Variants in ZNRF3 observed in about 807,000 individuals in gnomAD.
ZNRF3 encodes zinc and ring finger 3.
A neutral mutation model predicts 72.5 loss-of-function variants in ZNRF3; 23 were observed. That is an observed-to-expected ratio of 0.32 (90% confidence interval 0.23 to 0.45). The LOEUF (loss-of-function observed/expected upper bound fraction) is 0.45. Ranked by LOEUF, ZNRF3 falls within the 20% of genes least tolerant of loss-of-function variation. The probability of loss-of-function intolerance (pLI) is 1.00; values close to 1 mark genes in which losing one functional copy is unlikely to be tolerated. For synonymous variants in ZNRF3, 610 were observed against 545.3 expected (o/e 1.12, Z -1.65); for missense variants, 1,169 against 1,272.1 (o/e 0.92, Z 1.23).
intron 8 of ZNRF3, among the ~76,000 whole-genome samples, chr22:29,051,164 A>G (rs953652510): frequency 6.6e-6 from 1 of 152,068 alleles, no homozygotes; most frequent in African/African-American, 2.4e-5. Flanking sequence ...ATCTCTCCCC[A>G]AGATGCCTGC....
intron 1 of ZNRF3, among the ~76,000 whole-genome samples, chr22:28,980,092 G>GACA (rs2035739813): frequency 6.6e-6 from 1 of 152,116 alleles, no homozygotes; most frequent in South Asian, 2.1e-4. Context: ...AATCCTTAAC[G>GACA]ATGTCTGTAT....
At chr22:28,967,940 A>G (rs982679546) in intron 1 of ZNRF3, among the ~76,000 whole-genome samples, 33 of 151,994 alleles carry the variant, frequency 2.2e-4, no homozygotes, top group African/African-American at 2.9e-4. Context: ...AAAAAAAAAA[A>G]AAAGAAAAAA....
intron 2 of ZNRF3, among the ~76,000 whole-genome samples, chr22:29,015,656 T>G (rs2036417814): frequency 3.2e-5 from 4 of 126,966 alleles, no homozygotes; most frequent in Non-Finnish European, 3.3e-5. Flanking sequence ...GGTGACAGAG[T>G]GAGATTCTGT....
At chr22:28,976,404 C>G (rs1189682758) in intron 1 of ZNRF3, among the ~76,000 whole-genome samples, 1 of 152,078 alleles carries the variant, frequency 6.6e-6, no homozygotes, top group African/African-American at 2.4e-5. Context: ...TGCCTGTAAT[C>G]CCAACTACCT....
At chr22:28,894,955 TC>T (rs2033962728) in intron 1 of ZNRF3, among the ~76,000 whole-genome samples, 1 of 152,124 alleles carries the variant, frequency 6.6e-6, no homozygotes, top group Non-Finnish European at 1.5e-5. Flanking sequence ...CTGCCCCCCT[TC>T]AGCAGGTACA....
intron 1 of ZNRF3, among the ~76,000 whole-genome samples, chr22:28,943,160 G>A (rs781090153): frequency 1.3e-5 from 2 of 152,182 alleles, no homozygotes; most frequent in Non-Finnish European, 2.9e-5. Flanking sequence ...CTGGTCTGAT[G>A]TTTTTCTCTC....
intron 1 of ZNRF3, among the ~76,000 whole-genome samples, chr22:28,890,456 C>T (rs1174282029): frequency 1.3e-5 from 2 of 152,138 alleles, no homozygotes; most frequent in Admixed American, 6.5e-5. Context: ...GCCGAGATCA[C>T]GCCACTGCAC....
chr22:29,023,511 A>G (rs1193050507), intron 2 of ZNRF3, among the ~76,000 whole-genome samples: 1 of 152,184 alleles, frequency 6.6e-6, no homozygotes, highest in Non-Finnish European at 1.5e-5. Context: ...GGCTCCCAGG[A>G]GTGGAGAAGC....
chr22:28,955,471 C>A (rs2035242016), intron 1 of ZNRF3, among the ~76,000 whole-genome samples: 1 of 152,154 alleles, frequency 6.6e-6, no homozygotes, highest in Non-Finnish European at 1.5e-5. Context: ...TACCACCTTG[C>A]AGCCTCTGTG....
intron 1 of ZNRF3, chr22:28,986,740 T>C (rs1422047394): frequency 1.3e-6 from 1 of 787,830 alleles, no homozygotes; most frequent in African/African-American, 1.9e-5. Context: ...GTTAAATTTA[T>C]GGTATTTCAC....
intron 1 of ZNRF3, among the ~76,000 whole-genome samples, chr22:28,980,306 G>A (rs1414910904): frequency 1.3e-5 from 2 of 152,168 alleles, no homozygotes; most frequent in Non-Finnish European, 2.9e-5. Flanking sequence ...TACACTAAAA[G>A]CCCAGATTTC....
intron 2 of ZNRF3, among the ~76,000 whole-genome samples, chr22:29,035,610 C>G (rs1223760897): frequency 6.6e-6 from 1 of 152,220 alleles, no homozygotes; most frequent in African/African-American, 2.4e-5. Context: ...GAGTCTCGCT[C>G]TGTCGCCCAG....
intron 1 of ZNRF3, among the ~76,000 whole-genome samples, chr22:28,955,600 C>T (rs769602202): frequency 4.6e-5 from 7 of 152,054 alleles, no homozygotes; most frequent in African/African-American, 7.2e-5. Context: ...GTTGGTCTCA[C>T]GCACTGAAGT....
intron 1 of ZNRF3, among the ~76,000 whole-genome samples, chr22:28,922,080 A>G (rs2034522221): frequency 6.6e-6 from 1 of 152,192 alleles, no homozygotes; most frequent in Non-Finnish European, 1.5e-5. Flanking sequence ...TTTATACAGT[A>G]TTTTTAATAA....
At chr22:28,953,578 T>G (rs545313679) in intron 1 of ZNRF3, among the ~76,000 whole-genome samples, 23 of 152,304 alleles carry the variant, frequency 1.5e-4, no homozygotes, top group Non-Finnish European at 1.9e-4. Context: ...GAAAGGGACT[T>G]TAGTTAAACA....
chr22:29,000,062 T>A (rs890456721), intron 2 of ZNRF3, among the ~76,000 whole-genome samples: 1 of 152,266 alleles, frequency 6.6e-6, no homozygotes, highest in East Asian at 1.9e-4. Flanking sequence ...CATCAGGCTC[T>A]CTGGTCTGAG....
At chr22:28,926,107 C>G (rs1040771992) in intron 1 of ZNRF3, among the ~76,000 whole-genome samples, 3 of 152,066 alleles carry the variant, frequency 2.0e-5, no homozygotes, top group African/African-American at 7.2e-5. Context: ...AATGACTTGC[C>G]CTCTCACATT....
chr22:29,040,727 A>G (rs890774956), intron 2 of ZNRF3, among the ~76,000 whole-genome samples: 4 of 152,224 alleles, frequency 2.6e-5, no homozygotes, highest in African/African-American at 7.2e-5. Flanking sequence ...ACAAAGACAG[A>G]TTGTCCAGAG....
At chr22:28,979,361 ATTCTCCTTCCC>A in intron 1 of ZNRF3, among the ~76,000 whole-genome samples, 1 of 152,140 alleles carries the variant, frequency 6.6e-6, no homozygotes, top group Middle Eastern at 3.4e-3. Context: ...GACATCTTCT[ATTCTCCTTCCC>A]CTTCTACTGT....
Sources: allele counts gnomAD v4.1 joint callset (sites outside exome capture counted in the v4.1 genomes callset), GRCh38; gene constraint gnomAD v4.1.1; transcripts MANE v1.5; gene names NCBI Gene and HGNC (gene_info 2026-07-23, HGNC 2026-07-21).